RASA1: variants seen among roughly 807,000 people sequenced by gnomAD.
The protein encoded by RASA1 is ras GTPase-activating protein 1.
A neutral mutation model predicts 132.2 loss-of-function variants in RASA1; 25 were observed. The ratio of observed to expected loss-of-function variants is 0.19; its 90% CI spans 0.14 to 0.26. The LOEUF (loss-of-function observed/expected upper bound fraction) is 0.26, where lower values mean the gene tolerates loss of function less well. Among genes scored for constraint, RASA1 ranks in the 10% least tolerant of loss-of-function variants. The pLI, the probability that RASA1 is intolerant of heterozygous loss-of-function variation, is 1.00. For missense variants in RASA1, 964 were observed against 1,299.2 expected, an observed-to-expected ratio of 0.74 and a Z score of 3.97; for synonymous variants, 477 against 449.9, an observed-to-expected ratio of 1.06 and a Z score of -0.76.
Position 87,324,706 on chromosome 5 carries a change from C to G in RASA1, c.540-6642C>G, listed in dbSNP as rs547272357. Among the ~76,000 whole-genome samples the G allele has an allele frequency of 9.9e-4, 151 of 152,008 alleles. 2 individuals are homozygous for G. The highest frequency in any genetic ancestry group is 1.8e-3 in the Non-Finnish European group (122 of 67,972). ...GTTATCTGGTTATATACAAATATAC[C>G]CAAGAATACCTAATATAAACACGCC... On this transcript the variant is annotated intron_variant, in intron 1 of 24. Coordinates refer to ENST00000274376, the MANE Select transcript of RASA1 (RefSeq NM_002890.3).
chr5:87,293,447 G>C (rs1754991474), intron 1 of RASA1, among the ~76,000 whole-genome samples: 2 of 152,096 alleles, frequency 1.3e-5, no homozygotes, highest in Admixed American at 1.3e-4. Context: ...AATACTGCTT[G>C]ATCATGGTAT....
intron 11 of RASA1, 70 bp downstream of exon 11, chr5:87,363,574 C>G: frequency 6.6e-7 from 1 of 1,514,616 alleles, no homozygotes; most frequent in Non-Finnish European, 9.1e-7. Flanking sequence ...CAAAGCAAAC[C>G]AATTTTGAGA....
At chr5:87,376,313 T>C in intron 15 of RASA1, 80 bp from the exon 16 acceptor site, 1 of 1,520,540 alleles carries the variant, frequency 6.6e-7, no homozygotes, top group Non-Finnish European at 9.0e-7. Context: ...TAGGGAAGAC[T>C]GAACACCAGG....
intron 10 of RASA1, 75 bp from the exon 11 acceptor site, chr5:87,363,273 G>T: frequency 7.6e-7 from 1 of 1,307,448 alleles, no homozygotes; most frequent in Non-Finnish European, 1.1e-6. Context: ...CATATTTTTA[G>T]AAACACTAAT....
chr5:87,366,153 CA>C (rs1415308274), intron 11 of RASA1, among the ~76,000 whole-genome samples: 6 of 151,962 alleles, frequency 3.9e-5, no homozygotes, highest in African/African-American at 1.5e-4. Context: ...ATGTACAATA[CA>C]AAAAGATATG....
At chr5:87,355,340 A>C (rs533613411) in intron 9 of RASA1, among the ~76,000 whole-genome samples, 1 of 152,290 alleles carries the variant, frequency 6.6e-6, no homozygotes, top group African/African-American at 2.4e-5. Context: ...ATCGTTGACT[A>C]TTCTGAAAAT....
rs1460907514 is a variant in RASA1, at chr5:87,391,164, A to ATGACTGTATC, written c.*283_*292dup. On this transcript the variant is annotated 3_prime_UTR_variant, in exon 25 of 25. Coordinates refer to ENST00000274376, the MANE Select transcript of RASA1 (RefSeq NM_002890.3). ...ACCACCTTTCACAAAACGAAATGCTATGACTGTATCTTGATATCTCGAACT... is the reference window on the plus strand; with the variant it reads ...ACCACCTTTCACAAAACGAAATGCTATGACTGTATCTGACTGTATCTTGATATCTCGAACT... 2 of 549,714 alleles carry ATGACTGTATC rather than the reference A, an allele frequency of 3.6e-6. No homozygotes were observed. Among genetic ancestry groups the ATGACTGTATC allele is most frequent in the Non-Finnish European group, 6.5e-6 (2 of 306,036 alleles). The allele number at this position is 549,714 out of a possible 1,614,324, so 34.1% of individuals were successfully genotyped here. A position where few individuals can be genotyped will look rare whatever the true frequency, so the allele number is the denominator to read the frequency against.
At chr5:87,386,777 A>G in intron 22 of RASA1, 49 bp from the exon 23 acceptor site, 1 of 1,518,632 alleles carries the variant, frequency 6.6e-7, no homozygotes, top group Non-Finnish European at 9.1e-7. Context: ...TAATAGATCA[A>G]ACAGTGGTTT....
chr5:87,321,681 G>T (rs545595150), intron 1 of RASA1, among the ~76,000 whole-genome samples: 2 of 152,236 alleles, frequency 1.3e-5, no homozygotes, highest in African/African-American at 4.8e-5. Context: ...CTCTGTTTCC[G>T]TGGAGTTAGG....
At chr5:87,363,897 A>T (rs1760307698) in intron 11 of RASA1, among the ~76,000 whole-genome samples, 1 of 152,100 alleles carries the variant, frequency 6.6e-6, no homozygotes, top group African/African-American at 2.4e-5. Flanking sequence ...AGTTAATGTT[A>T]AAAAATAATC....
intron 1 of RASA1, among the ~76,000 whole-genome samples, chr5:87,282,030 C>T (rs1580194458): frequency 6.6e-6 from 1 of 152,184 alleles, no homozygotes; most frequent in Non-Finnish European, 1.5e-5. Flanking sequence ...TCTTTTGATG[C>T]ATTTAATTTA....
intron 1 of RASA1, among the ~76,000 whole-genome samples, chr5:87,269,701 C>T (rs1472854726): frequency 2.0e-5 from 3 of 152,154 alleles, no homozygotes; most frequent in Non-Finnish European, 4.4e-5. Flanking sequence ...ATCAATAGAG[C>T]TTCCCTTAAA....
chr5:87,271,647 T>G (rs1370599238), intron 1 of RASA1, among the ~76,000 whole-genome samples: 1 of 151,572 alleles, frequency 6.6e-6, no homozygotes, highest in Non-Finnish European at 1.5e-5. Flanking sequence ...CAGGCCTGGC[T>G]AATTTTCATA....
chr5:87,342,318 T>TA (rs1219607562), intron 6 of RASA1, among the ~76,000 whole-genome samples: 1 of 152,044 alleles, frequency 6.6e-6, no homozygotes, highest in Non-Finnish European at 1.5e-5. Flanking sequence ...AACACCATGC[T>TA]AGGCTGGTTA....
chr5:87,302,418 ATTTAT>A (rs1457270266), intron 1 of RASA1, among the ~76,000 whole-genome samples: 2 of 150,110 alleles, frequency 1.3e-5, no homozygotes, highest in African/African-American at 4.9e-5. Flanking sequence ...CTTTTTTTGT[ATTTAT>A]TTCTGGTTAT....
intron 11 of RASA1, among the ~76,000 whole-genome samples, chr5:87,368,876 A>C (rs1441369379): frequency 1.3e-5 from 2 of 152,172 alleles, no homozygotes; most frequent in African/African-American, 4.8e-5. Flanking sequence ...CAGTGCTTTC[A>C]AACAGTTGTT....
intron 5 of RASA1, among the ~76,000 whole-genome samples, chr5:87,338,536 A>ATATATATTTTTTTTT: frequency 3.4e-4 from 29 of 85,208 alleles, no homozygotes; most frequent in Admixed American, 2.6e-4. Context: ...TATATATAAA[A>ATATATATTTTTTTTT]TTTTTTTTTT....
chr5:87,381,138 CT>C (rs1281362076), intron 20 of RASA1, among the ~76,000 whole-genome samples: 1 of 152,098 alleles, frequency 6.6e-6, no homozygotes, highest in African/African-American at 2.4e-5. Context: ...GGAAGAACTG[CT>C]TTGGCAAATC....
intron 18 of RASA1, among the ~76,000 whole-genome samples, chr5:87,379,249 T>C (rs564386563): frequency 5.9e-5 from 9 of 152,250 alleles, no homozygotes; most frequent in Admixed American, 3.9e-4. Flanking sequence ...ATAGTTGGCC[T>C]AACATAAGGA....
Sources: allele counts gnomAD v4.1 joint callset (sites outside exome capture counted in the v4.1 genomes callset), GRCh38; gene constraint gnomAD v4.1.1; transcripts MANE v1.5; gene names NCBI Gene and HGNC (gene_info 2026-07-23, HGNC 2026-07-21).